Variants in TBC1D10A observed in about 807,000 individuals in gnomAD.
The protein encoded by TBC1D10A is TBC1 domain family member 10A, also known as EBP50-PDX interactor of 64 kDa.
Under a neutral mutation model 52.9 loss-of-function variants are expected in TBC1D10A, and 24 were observed. The observed-to-expected ratio is 0.45, with a 90% CI of 0.33 to 0.64. The LOEUF is 0.64. Ranked by LOEUF, TBC1D10A falls within the 30% of genes least tolerant of loss-of-function variation. The pLI is 0.02. For missense variants in TBC1D10A, 602 were observed against 687.9 expected, an observed-to-expected ratio of 0.88 and a Z score of 1.40; for synonymous variants, 278 against 282.9, an observed-to-expected ratio of 0.98 and a Z score of 0.17.
rs1864698910 is a variant in TBC1D10A at position 30,292,323 on chromosome 22, T to G, written c.*52A>C. On this transcript the variant is annotated 3_prime_UTR_variant, in exon 9 of 9. Coordinates refer to ENST00000215790, the MANE Select transcript of TBC1D10A (RefSeq NM_031937.3). ...GGGCAGGATGTGGAATGTCAGTTCA[T>G]GAACCGTGTAGTTATATGGAGACCC... The G allele has an allele frequency of 4.1e-6, 6 of 1,461,898 alleles. No individual in the cohort carries two copies. The South Asian group carries it at 8.2e-5, about 20-fold the overall frequency. The allele number at this position is 1,461,898 out of a possible 1,614,324, so 90.6% of individuals were successfully genotyped here.
intron 1 of TBC1D10A, chr22:30,307,746 T>C (rs1338625037): frequency 2.0e-5 from 3 of 152,258 alleles, no homozygotes; most frequent in Non-Finnish European, 4.4e-5. Flanking sequence ...CACATACCTT[T>C]ATCACATGTA....
At chr22:30,304,002 G>GT (rs1930260019) in intron 2 of TBC1D10A, among the ~76,000 whole-genome samples, 1 of 152,226 alleles carries the variant, frequency 6.6e-6, no homozygotes, top group Admixed American at 6.5e-5. Flanking sequence ...AATCTAGAGG[G>GT]TAAAGAAGGC....
chr22:30,293,502 G>A, intron 8 of TBC1D10A, 149 bp downstream of exon 8: 1 of 1,177,596 alleles, frequency 8.5e-7, no homozygotes, highest in Non-Finnish European at 1.2e-6. Context: ...CAGACAGAAG[G>A]ATGAGGTCCA....
chr22:30,301,497 T>C lies in TBC1D10A; in HGVS notation c.310-1946A>G, dbSNP rs181667143. 3.6e-3 allele frequency among the ~76,000 whole-genome samples: 554 copies of C among 152,252 alleles called. 3 individuals carry two copies. The highest frequency in any genetic ancestry group is 0.013 in the African/African-American group (528 of 41,542). On this transcript the variant is annotated intron_variant, in intron 2 of 8. Coordinates refer to ENST00000215790, the MANE Select transcript of TBC1D10A (RefSeq NM_031937.3). ...AAAGGAGTCCATTAGAGAGGGAAAATGTGCTTAGTGTGGGGCCTGACACAG... is the reference window on the plus strand; with the variant it reads ...AAAGGAGTCCATTAGAGAGGGAAAACGTGCTTAGTGTGGGGCCTGACACAG...
At chr22:30,324,929 A>G (rs934698640) in intron 1 of TBC1D10A, among the ~76,000 whole-genome samples, 4 of 152,196 alleles carry the variant, frequency 2.6e-5, no homozygotes, top group Non-Finnish European at 5.9e-5. Context: ...ATAAGCATGT[A>G]GTAGGAACTC....
chr22:30,303,241 T>C (rs143942869), intron 2 of TBC1D10A, among the ~76,000 whole-genome samples: 11 of 152,326 alleles, frequency 7.2e-5, no homozygotes, highest in Non-Finnish European at 1.2e-4. Flanking sequence ...ATCATACTGC[T>C]GCACTACAGC....
intron 2 of TBC1D10A, among the ~76,000 whole-genome samples, chr22:30,303,864 C>T (rs570656924): frequency 1.3e-5 from 2 of 152,230 alleles, no homozygotes; most frequent in African/African-American, 4.8e-5. Flanking sequence ...GGCAATAGAG[C>T]TAGTGTCTAA....
At chr22:30,325,849 C>CATACACA (rs1930758408) in intron 1 of TBC1D10A, among the ~76,000 whole-genome samples, 1 of 152,194 alleles carries the variant, frequency 6.6e-6, no homozygotes, top group African/African-American at 2.4e-5. Context: ...GAGGCGCATA[C>CATACACA]ATACACAGGA....
At position 30,295,153 on chromosome 22, in the gene TBC1D10A, C is replaced by T. The variant is rs1930049842; in HGVS notation, c.525-98G>A. On this transcript the variant is annotated intron_variant, in intron 4 of 8. Transcript: ENST00000215790. ...TGGACCAGCCAGCCTCAGAATCTGC[C>T]CCTCCCTTGAGAGGGAAGGTGATCT... 3 of 1,213,088 alleles carry T rather than the reference C, an allele frequency of 2.5e-6. No individual in the cohort carries two copies. The Admixed American group carries it at 5.8e-5, about 24-fold the overall frequency. The allele number at this position is 1,213,088 out of a possible 1,614,324, so 75.1% of individuals were successfully genotyped here.
chr22:30,318,845 C>T (rs776852695), intron 1 of TBC1D10A: 2 of 395,654 alleles, frequency 5.1e-6, no homozygotes, highest in Non-Finnish European at 1.0e-5. Context: ...CAGACCTGGA[C>T]TAACTTTTAT....
chr22:30,294,341 G>C (rs779601489), intron 6 of TBC1D10A, among the ~76,000 whole-genome samples: 1 of 152,184 alleles, frequency 6.6e-6, no homozygotes, highest in African/African-American at 2.4e-5. Flanking sequence ...GCTAGGGGAG[G>C]GGGAGGAGGC....
chr22:30,299,130 A>ACC, intron 3 of TBC1D10A: 1 of 262,812 alleles, frequency 3.8e-6, no homozygotes, highest in Non-Finnish European at 7.4e-6. Flanking sequence ...GCAGGGAGGT[A>ACC]GCCTACTGAG....
intron 1 of TBC1D10A, among the ~76,000 whole-genome samples, chr22:30,325,387 G>T (rs1231863579): frequency 6.6e-6 from 1 of 152,240 alleles, no homozygotes; most frequent in East Asian, 1.9e-4. Flanking sequence ...TAAGTCATGA[G>T]AGAGTCTGGG....
chr22:30,303,864 C>G (rs570656924), intron 2 of TBC1D10A, among the ~76,000 whole-genome samples: 1 of 152,348 alleles, frequency 6.6e-6, no homozygotes, highest in South Asian at 2.1e-4. Context: ...GGCAATAGAG[C>G]TAGTGTCTAA....
At chr22:30,312,955 A>G (rs905435594) in intron 1 of TBC1D10A, among the ~76,000 whole-genome samples, 5 of 152,234 alleles carry the variant, frequency 3.3e-5, no homozygotes, top group African/African-American at 1.2e-4. Flanking sequence ...CACACAGAGA[A>G]GAAGTGCCAT....
intron 1 of TBC1D10A, among the ~76,000 whole-genome samples, chr22:30,322,319 G>C (rs1450535452): frequency 6.6e-6 from 1 of 152,172 alleles, no homozygotes; most frequent in Admixed American, 6.5e-5. Flanking sequence ...CTCCAGCCAA[G>C]CCAGAAGAAC....
rs1443539337 is a variant in TBC1D10A at position 30,297,325 on chromosome 22, C to A, written c.418-1482G>T. ...TGTACTGTGCACCTCTAAGTACTGT[C>A]TGAGCGCAGTGCAGGTTTGCTTTTG... On this transcript the variant is annotated intron_variant, in intron 3 of 8. Transcript: ENST00000215790. This position sits in a 1 kb window ranked among gnomAD's most constrained non-coding sequence, Gnocchi z 4.3. 6.6e-6 allele frequency: 1 copy of A among 152,272 alleles called. No homozygotes were observed. The highest frequency in any genetic ancestry group is 2.4e-5 in the African/African-American group (1 of 41,450). The allele number at this position is 152,272 out of a possible 1,614,324, so 9.4% of individuals were successfully genotyped here.
chr22:30,322,258 G>T (rs1027498549), intron 1 of TBC1D10A, among the ~76,000 whole-genome samples: 2 of 152,052 alleles, frequency 1.3e-5, no homozygotes, highest in Non-Finnish European at 2.9e-5. Flanking sequence ...TGGGATTACG[G>T]CGGTGAACCA....
chr22:30,306,745 A>C (rs757093720), intron 1 of TBC1D10A, among the ~76,000 whole-genome samples: 6 of 152,228 alleles, frequency 3.9e-5, no homozygotes, highest in Non-Finnish European at 5.9e-5. Context: ...CTTTAACAGC[A>C]GAGGAGTTTA....
Sources: gnomAD v4.1 joint callset for allele counts (sites outside exome capture counted in the v4.1 genomes callset) on GRCh38, gnomAD v4.1.1 for gene constraint, Gnocchi (gnomAD v3.1) non-coding constraint, MANE v1.5 for transcripts, NCBI Gene and HGNC (gene_info 2026-07-23, HGNC 2026-07-21) for gene names.